The following ERBIN variants were observed in gnomAD, a reference collection of about 807,000 sequenced individuals.
ERBIN encodes erbb2 interacting protein, also known as densin-180-like protein.
ERBIN carries 60 observed loss-of-function variants against 158.4 expected under a neutral mutation model. That is an observed-to-expected ratio of 0.38 (90% CI 0.31 to 0.47). The LOEUF is 0.47. ERBIN is among the 20% of genes least tolerant of loss of function. The pLI is 0.99. For missense variants in ERBIN, 1,610 were observed against 1,648.0 expected, an observed-to-expected ratio of 0.98 and a Z score of 0.40; for synonymous variants, 594 against 557.2, an observed-to-expected ratio of 1.07 and a Z score of -0.93.
intron 9 of ERBIN, 108 bp downstream of exon 9, chr5:66,023,472 T>G: frequency 1.6e-6 from 1 of 616,322 alleles, no homozygotes; most frequent in Non-Finnish European, 2.7e-6. Context: ...AATTGAATTA[T>G]TCTTTATTAA....
At chr5:66,025,454 T>C (rs984256300) in intron 10 of ERBIN, 26 bp from the exon 11 acceptor site, 25 of 1,566,132 alleles carry the variant, frequency 1.6e-5, no homozygotes, top group African/African-American at 4.1e-5. Context: ...AGCTGAAAAA[T>C]TGTATGTTGT....
At chr5:66,009,675 T>C (rs1204231929) in intron 4 of ERBIN, among the ~76,000 whole-genome samples, 1 of 152,116 alleles carries the variant, frequency 6.6e-6, no homozygotes, top group Non-Finnish European at 1.5e-5. Flanking sequence ...TGTAGATCAG[T>C]GTTCAGTGTT....
At chr5:66,076,128 T>G in intron 23 of ERBIN, 188 bp from the exon 24 acceptor site, 1 of 567,208 alleles carries the variant, frequency 1.8e-6, no homozygotes. Context: ...AGCTCTGCCT[T>G]TAACTCACTA....
chr5:66,017,238 G>A (rs187056932), intron 7 of ERBIN, among the ~76,000 whole-genome samples: 5 of 152,176 alleles, frequency 3.3e-5, no homozygotes, highest in African/African-American at 1.2e-4. Context: ...TTATGTGATA[G>A]TTCTATTTTT....
intron 6 of ERBIN, 69 bp from the exon 7 acceptor site, chr5:66,014,600 G>T: frequency 1.4e-6 from 1 of 739,844 alleles, no homozygotes; most frequent in Non-Finnish European, 2.2e-6. Flanking sequence ...TAAAACATTA[G>T]AATATGAAAT....
intron 21 of ERBIN, among the ~76,000 whole-genome samples, chr5:66,070,929 G>A (rs1208992799): frequency 1.3e-5 from 2 of 152,164 alleles, no homozygotes; most frequent in East Asian, 3.8e-4. Flanking sequence ...GCCGTAAACT[G>A]TTTTGAATGT....
intron 4 of ERBIN, among the ~76,000 whole-genome samples, chr5:65,996,078 G>T (rs1375161836): frequency 6.6e-6 from 1 of 151,954 alleles, no homozygotes; most frequent in African/African-American, 2.4e-5. Context: ...TCACTCTGTT[G>T]TTTCTTTGGC....
At chr5:65,952,411 A>G (rs916686299) in intron 1 of ERBIN, among the ~76,000 whole-genome samples, 3 of 152,032 alleles carry the variant, frequency 2.0e-5, no homozygotes, top group East Asian at 1.9e-4. Flanking sequence ...TTCAGTGGCT[A>G]TTCATAGGCA....
At chr5:65,981,501 C>G (rs1371187664) in intron 1 of ERBIN, among the ~76,000 whole-genome samples, 1 of 151,966 alleles carries the variant, frequency 6.6e-6, no homozygotes, top group Non-Finnish European at 1.5e-5. Context: ...TGATAGGCCT[C>G]TAGCAAGATT....
chr5:66,076,880 A>T lies in ERBIN; in HGVS notation c.4062A>T (p.Ile1354=). 2 of 1,606,568 alleles carry T rather than the reference A, an allele frequency of 1.2e-6. No individual in the cohort carries two copies. Among genetic ancestry groups the T allele is most frequent in the Non-Finnish European group, 1.7e-6 (2 of 1,175,134 alleles). The change falls in exon 25 of 26, where the codon ATA becomes ATT. Residue 1354 remains isoleucine, a synonymous_variant. Coordinates refer to ENST00000284037, the MANE Select transcript of ERBIN (RefSeq NM_001253697.2). ...GNPFRPDDDG[I]FVTRVQPEGP... ...AATTTTTTTTGTTGTTAAAGGGTAT[A>T]TTTGTAACAAGGGTACAACCTGAAG...
chr5:66,016,963 A>G (rs531665980), intron 7 of ERBIN, among the ~76,000 whole-genome samples: 2 of 151,762 alleles, frequency 1.3e-5, no homozygotes, highest in East Asian at 3.9e-4. Context: ...TGCAATATTT[A>G]TCTGTCTCTG....
At chr5:66,002,419 G>A (rs1297279600) in intron 4 of ERBIN, among the ~76,000 whole-genome samples, 1 of 151,174 alleles carries the variant, frequency 6.6e-6, no homozygotes. Flanking sequence ...GAGAAGATGT[G>A]ATTAAAACAT....
rs142376458 is a variant in ERBIN, at chr5:66,054,814, C to T, written c.3496C>T (p.Arg1166Trp). The T allele has an allele frequency of 2.5e-6, 4 of 1,613,936 alleles. No homozygotes were observed. The highest frequency in any genetic ancestry group is 4.5e-5 in the East Asian group (2 of 44,888). Residue 1166 changes from arginine (R) to tryptophan (W), a missense_variant, in exon 21 of 26, where the codon CGG becomes TGG. Coordinates refer to ENST00000284037, the MANE Select transcript of ERBIN (RefSeq NM_001253697.2). The part of the protein sequence containing the change: ...TMSVSDFNYS[R>W]TSPSKRPNAR... ...GTCAGTTAGTGATTTCAATTATTCA[C>T]GGACTAGTCCTTCAAAAAGACCAAA...
intron 14 of ERBIN, 113 bp downstream of exon 14, chr5:66,028,456 A>T: frequency 5.1e-6 from 3 of 592,892 alleles, no homozygotes; most frequent in Non-Finnish European, 8.4e-6. Flanking sequence ...ACACATGTAA[A>T]CATATCTTTT....
intron 18 of ERBIN, among the ~76,000 whole-genome samples, chr5:66,048,163 A>G (rs1395594828): frequency 6.6e-6 from 1 of 151,862 alleles, no homozygotes; most frequent in Admixed American, 6.6e-5. Context: ...ATAACATAAA[A>G]TGTTATGTTA....
rs138447812 is a variant in ERBIN, at chr5:65,952,338, T to G, written c.-58+25532T>G. Among the ~76,000 whole-genome samples the G allele has an allele frequency of 2.0e-5, 3 of 152,256 alleles. No individual in the cohort carries two copies. The East Asian group carries it at 5.8e-4, about 29-fold the overall frequency. On this transcript the variant is annotated intron_variant, in intron 1 of 25. Transcript: ENST00000284037. ...TAACAGGTTAAATACTGTATTATAC[T>G]TCTAAAATTTTTATTTTTATTTTTT...
At chr5:65,939,096 T>C (rs1422351071) in intron 1 of ERBIN, among the ~76,000 whole-genome samples, 1 of 152,188 alleles carries the variant, frequency 6.6e-6, no homozygotes, top group Non-Finnish European at 1.5e-5. Context: ...TTTGTAGTCA[T>C]GAATTCAACC....
chr5:65,935,168 C>T (rs1399868527), intron 1 of ERBIN, among the ~76,000 whole-genome samples: 2 of 152,000 alleles, frequency 1.3e-5, no homozygotes, highest in African/African-American at 4.8e-5. Flanking sequence ...ATACAATGGT[C>T]CCTGATTTAT....
intron 4 of ERBIN, among the ~76,000 whole-genome samples, chr5:66,002,722 C>A (rs1187126350): frequency 3.3e-5 from 5 of 152,152 alleles, no homozygotes; most frequent in African/African-American, 1.2e-4. Context: ...TGGGGACAAA[C>A]TAGTGGAAAA....
Sources: allele counts gnomAD v4.1 joint callset (sites outside exome capture counted in the v4.1 genomes callset), GRCh38; gene constraint gnomAD v4.1.1; transcripts MANE v1.5; gene names NCBI Gene and HGNC (gene_info 2026-07-23, HGNC 2026-07-21).